Variants in ADGRB3 observed in about 807,000 individuals in gnomAD.
ADGRB3 encodes brain-specific angiogenesis inhibitor 3.
A neutral mutation model predicts 193.4 loss-of-function variants in ADGRB3; 37 were observed. The observed-to-expected ratio is 0.19, with a 90% CI of 0.15 to 0.25. The LOEUF is 0.25. Ranked by LOEUF, ADGRB3 falls within the 10% of genes least tolerant of loss-of-function variation. The pLI is 1.00. For missense variants in ADGRB3, 1,637 were observed against 1,852.9 expected (o/e 0.88, Z 2.14); for synonymous variants, 690 against 644.2 (o/e 1.07, Z -1.08).
chr6:68,690,608 T>C (rs1391256482), intron 3 of ADGRB3, among the ~76,000 whole-genome samples: 1 of 152,092 alleles, frequency 6.6e-6, no homozygotes, highest in Non-Finnish European at 1.5e-5. Flanking sequence ...GAACACAAAG[T>C]TTGACTTAGA....
At chr6:68,859,934 GA>G (rs1157464590) in intron 3 of ADGRB3, among the ~76,000 whole-genome samples, 1 of 152,014 alleles carries the variant, frequency 6.6e-6, no homozygotes, top group African/African-American at 2.4e-5. Flanking sequence ...AGAAAATATA[GA>G]AATATGAAAT....
intron 3 of ADGRB3, among the ~76,000 whole-genome samples, chr6:68,842,401 A>G (rs1345357944): frequency 1.3e-5 from 2 of 151,946 alleles, no homozygotes; most frequent in East Asian, 3.9e-4. Context: ...ATAACTATAC[A>G]CCTATAAATT....
chr6:69,064,106 T>G (rs997708494), intron 16 of ADGRB3, among the ~76,000 whole-genome samples: 4 of 151,994 alleles, frequency 2.6e-5, no homozygotes, highest in Non-Finnish European at 5.9e-5. Context: ...TCTACTATTG[T>G]GTAGTTTCTG....
chr6:68,864,436 T>G (rs925672057), intron 3 of ADGRB3, among the ~76,000 whole-genome samples: 1 of 152,190 alleles, frequency 6.6e-6, no homozygotes, highest in Admixed American at 6.5e-5. Context: ...GTGTGCCATT[T>G]TCAGGCCATA....
intron 16 of ADGRB3, 52 bp from the exon 17 acceptor site, chr6:69,075,943 T>C: frequency 7.3e-7 from 1 of 1,376,854 alleles, no homozygotes; most frequent in Non-Finnish European, 1.0e-6. Context: ...TCCCTCAATC[T>C]TTTTATATAT....
chr6:68,836,599 G>C (rs1768050366), intron 3 of ADGRB3, among the ~76,000 whole-genome samples: 1 of 152,164 alleles, frequency 6.6e-6, no homozygotes, highest in Non-Finnish European at 1.5e-5. Flanking sequence ...AGTATGGATA[G>C]ATGTTTAATC....
chr6:69,171,767 G>C (rs1186634877), intron 17 of ADGRB3, among the ~76,000 whole-genome samples: 1 of 151,818 alleles, frequency 6.6e-6, no homozygotes, highest in African/African-American at 2.4e-5. Flanking sequence ...CAAAAAAAAA[G>C]CCCTTTATTA....
At chr6:68,955,466 A>G (rs1386933732) in intron 6 of ADGRB3, among the ~76,000 whole-genome samples, 1 of 152,220 alleles carries the variant, frequency 6.6e-6, no homozygotes, top group Non-Finnish European at 1.5e-5. Flanking sequence ...AGTGATCAAT[A>G]AATATTTTTG....
chr6:69,195,522 CAAAAA>C (rs542731165), intron 17 of ADGRB3, among the ~76,000 whole-genome samples: 1 of 65,134 alleles, frequency 1.5e-5, no homozygotes, highest in African/African-American at 5.0e-5. Flanking sequence ...TATCCTGTCT[CAAAAA>C]AAAAAAAAAA....
At chr6:68,791,841 T>C (rs1767113239) in intron 3 of ADGRB3, among the ~76,000 whole-genome samples, 2 of 152,168 alleles carry the variant, frequency 1.3e-5, no homozygotes, top group South Asian at 4.1e-4. Context: ...TAGAACATTT[T>C]GGCCAAGCCA....
chr6:68,988,689 C>T (rs1160183046), intron 10 of ADGRB3, among the ~76,000 whole-genome samples: 1 of 152,134 alleles, frequency 6.6e-6, no homozygotes, highest in Non-Finnish European at 1.5e-5. Context: ...CATACATAAG[C>T]CTTGGCTGCT....
chr6:69,263,367 A>G (rs1344481744), intron 20 of ADGRB3, among the ~76,000 whole-genome samples: 2 of 152,056 alleles, frequency 1.3e-5, no homozygotes, highest in Non-Finnish European at 2.9e-5. Flanking sequence ...TCCAAAAATC[A>G]TGATGGTAAG....
chr6:69,090,541 T>C (rs1386330198), intron 17 of ADGRB3, among the ~76,000 whole-genome samples: 1 of 152,230 alleles, frequency 6.6e-6, no homozygotes, highest in Non-Finnish European at 1.5e-5. Context: ...TATTTGATTC[T>C]TTCATGCATA....
chr6:69,295,097 G>A (rs1767781777), intron 20 of ADGRB3, among the ~76,000 whole-genome samples: 2 of 152,078 alleles, frequency 1.3e-5, no homozygotes, highest in Non-Finnish European at 2.9e-5. Flanking sequence ...AGAGGGAAAG[G>A]GAAGGTAATC....
Position 69,322,234 on chromosome 6 carries a change from T to A in ADGRB3, c.2815-2638T>A, listed in dbSNP as rs540273383. Among the ~76,000 whole-genome samples, 4 of 152,192 alleles carry A rather than the reference T, an allele frequency of 2.6e-5. No homozygotes were observed. In the South Asian group the frequency reaches 8.3e-4, roughly 32 times the overall value. ...TTCCATGTTGCATATGTACCATATT[T>A]TCTTTATTCAGTCTATCATTGTTGG... is the stretch of plus-strand genomic sequence containing the variant. On this transcript the variant is annotated intron_variant, in intron 20 of 31. Coordinates refer to ENST00000370598, the MANE Select transcript of ADGRB3 (RefSeq NM_001704.3).
Position 69,048,324 on chromosome 6 carries a change from G to A in ADGRB3, c.2247G>A (p.Val749=). 2 of 1,612,798 alleles carry A rather than the reference G, an allele frequency of 1.2e-6. No individual in the cohort carries two copies. The highest frequency in any genetic ancestry group is 1.7e-6 in the Non-Finnish European group (2 of 1,179,454). The stretch of plus-strand genomic sequence containing the variant: ...TTCCAAAAAGCATTTTCACTCCGGT[G>A]TCATCAAAAGGTAAATATCTGAAAT... ...VVIPKSIFTP[V]SSKELDESSV... is the part of the protein sequence containing the mutation. The change falls in exon 14 of 32, where the codon GTG becomes GTA. Residue 749 remains valine, a synonymous_variant. Transcript: ENST00000370598.
At chr6:68,885,297 T>G (rs1049483258) in intron 3 of ADGRB3, among the ~76,000 whole-genome samples, 1 of 152,190 alleles carries the variant, frequency 6.6e-6, no homozygotes, top group African/African-American at 2.4e-5. Flanking sequence ...GATAGTTTGA[T>G]TACAAAGAGT....
chr6:69,328,164 T>A (rs1268709430), intron 22 of ADGRB3, among the ~76,000 whole-genome samples: 1 of 152,200 alleles, frequency 6.6e-6, no homozygotes, highest in East Asian at 1.9e-4. Context: ...GCATGCCCAA[T>A]CTCAAATAAA....
At chr6:69,346,879 A>G (rs556962518) in intron 26 of ADGRB3, among the ~76,000 whole-genome samples, 1 of 152,336 alleles carries the variant, frequency 6.6e-6, no homozygotes, top group South Asian at 2.1e-4. Context: ...ATTATACATC[A>G]CTCAGCTTGC....
Sources: gnomAD v4.1 joint callset for allele counts (sites outside exome capture counted in the v4.1 genomes callset) on GRCh38, gnomAD v4.1.1 for gene constraint, MANE v1.5 for transcripts, NCBI Gene and HGNC (gene_info 2026-07-23, HGNC 2026-07-21) for gene names.